The following HDAC9 variants were observed in gnomAD, a reference collection of about 807,000 sequenced individuals.
HDAC9 encodes the protein MEF-2 interacting transcription repressor (MITR) protein.
HDAC9 carries 41 observed loss-of-function variants against 139.4 expected under a neutral mutation model. That is an observed-to-expected ratio of 0.29 (90% confidence interval 0.23 to 0.38). The LOEUF (loss-of-function observed/expected upper bound fraction) is 0.38. Ranked by LOEUF, HDAC9 falls within the 10% of genes least tolerant of loss-of-function variation. HDAC9 has a pLI of 1.00. For missense variants in HDAC9, 1,147 were observed against 1,297.0 expected (o/e 0.88, Z 1.78); for synonymous variants, 517 against 476.2 (o/e 1.09, Z -1.12).
chr7:18,955,375 A>G (rs933703826), intron 24 of HDAC9, among the ~76,000 whole-genome samples: 3 of 152,110 alleles, frequency 2.0e-5, no homozygotes, highest in African/African-American at 7.2e-5. Context: ...TCTTGTAGTG[A>G]TCTTTGACAG....
intron 1 of HDAC9, among the ~76,000 whole-genome samples, chr7:18,105,879 G>C (rs532216556): frequency 4.6e-5 from 7 of 152,124 alleles, no homozygotes; most frequent in Non-Finnish European, 8.8e-5. Flanking sequence ...TTGCACAATG[G>C]CATATTACTA....
At chr7:18,826,801 C>G (rs1795476845) in intron 17 of HDAC9, among the ~76,000 whole-genome samples, 1 of 151,616 alleles carries the variant, frequency 6.6e-6, no homozygotes. Flanking sequence ...TGTTGTCATG[C>G]TTTAACTCCT....
At chr7:18,442,938 A>C (rs1329040405) in intron 1 of HDAC9, among the ~76,000 whole-genome samples, 2 of 152,212 alleles carry the variant, frequency 1.3e-5, no homozygotes, top group Non-Finnish European at 2.9e-5. Flanking sequence ...GGCTTCAACT[A>C]CAGTGGATGG....
intron 22 of HDAC9, among the ~76,000 whole-genome samples, chr7:18,897,931 G>GT (rs1194892474): frequency 1.3e-5 from 2 of 151,624 alleles, no homozygotes; most frequent in Admixed American, 6.6e-5. Context: ...TCTAGACACA[G>GT]TTTTTTACTG....
rs1239481302 is a variant in HDAC9, at chr7:18,091,931, C to CT, written c.-97+4724dup. 2.0e-5 allele frequency among the ~76,000 whole-genome samples: 3 copies of CT among 152,288 alleles called. No homozygotes were observed. The East Asian group carries it at 5.8e-4, about 29-fold the overall frequency. On this transcript the variant is annotated intron_variant, in intron 1 of 12. Transcript: ENST00000417496. ...GGTACTGTTACAACATGGCATCTTA[C>CT]TTTTTTAAAGCTAGCAAGGAAGTCT... is the stretch of plus-strand genomic sequence containing the variant.
intron 21 of HDAC9, among the ~76,000 whole-genome samples, chr7:18,856,026 C>A (rs1797649566): frequency 6.6e-6 from 1 of 152,106 alleles, no homozygotes. Context: ...ATTAGCGAGG[C>A]TGGTGTTTGC....
intron 1 of HDAC9, chr7:18,327,829 G>A (rs571871805): frequency 6.6e-6 from 1 of 151,694 alleles, no homozygotes; most frequent in East Asian, 1.9e-4. Flanking sequence ...CAATTTTTTG[G>A]TTATTTTAAT....
intron 1 of HDAC9, among the ~76,000 whole-genome samples, chr7:18,149,258 C>T (rs1479949054): frequency 2.0e-5 from 3 of 150,910 alleles, no homozygotes; most frequent in Non-Finnish European, 4.4e-5. Flanking sequence ...TGTTTTCTTA[C>T]TCGTTTATAC....
intron 16 of HDAC9, among the ~76,000 whole-genome samples, chr7:18,770,206 C>G (rs1790169649): frequency 6.6e-6 from 1 of 152,212 alleles, no homozygotes; most frequent in African/African-American, 2.4e-5. Context: ...TTTCGAGCAA[C>G]AATGTCAAGG....
At chr7:18,886,778 T>G (rs1281444939) in intron 22 of HDAC9, among the ~76,000 whole-genome samples, 1 of 152,184 alleles carries the variant, frequency 6.6e-6, no homozygotes, top group African/African-American at 2.4e-5. Flanking sequence ...ACAAAAAATA[T>G]TGCCAGGGAC....
chr7:18,725,797 A>G (rs1276368008), intron 12 of HDAC9, among the ~76,000 whole-genome samples: 2 of 152,294 alleles, frequency 1.3e-5, no homozygotes, highest in East Asian at 3.9e-4. Context: ...GACTATATTA[A>G]TCTTACTGCT....
intron 1 of HDAC9, chr7:18,395,266 T>C (rs1232991240): frequency 6.6e-6 from 1 of 152,140 alleles, no homozygotes; most frequent in Admixed American, 6.6e-5. Flanking sequence ...GGCTAATTTT[T>C]AGCAACTTCA....
intron 17 of HDAC9, among the ~76,000 whole-genome samples, chr7:18,814,814 G>C (rs6965278): frequency 0.47 from 71,357 of 152,012 alleles, 20,015 homozygotes; most frequent in African/African-American, 0.79. Context: ...AGAACATTTA[G>C]AATTAGAATA....
At chr7:18,946,264 T>C (rs1782398166) in intron 23 of HDAC9, among the ~76,000 whole-genome samples, 2 of 152,146 alleles carry the variant, frequency 1.3e-5, no homozygotes, top group East Asian at 3.9e-4. Context: ...CAAGACAGTC[T>C]TGGCTACATT....
At chr7:18,748,883 C>A in intron 13 of HDAC9, 122 bp from the exon 14 acceptor site, 1 of 934,578 alleles carries the variant, frequency 1.1e-6, no homozygotes, top group Non-Finnish European at 1.6e-6. Context: ...TGTGATATTT[C>A]CTCCTTTGTT....
chr7:18,417,113 T>C (rs1391898403), intron 1 of HDAC9, among the ~76,000 whole-genome samples: 1 of 152,128 alleles, frequency 6.6e-6, no homozygotes, highest in Non-Finnish European at 1.5e-5. Flanking sequence ...CCCACTGACT[T>C]TTTATTATCT....
At chr7:18,535,090 G>C (rs561990017) in intron 2 of HDAC9, among the ~76,000 whole-genome samples, 99 of 152,278 alleles carry the variant, frequency 6.5e-4, no homozygotes, top group African/African-American at 2.3e-3. Context: ...TCTCCTTTCA[G>C]TGGGGCTGTT....
At chr7:18,515,767 A>T (rs1802986252) in intron 2 of HDAC9, among the ~76,000 whole-genome samples, 1 of 152,234 alleles carries the variant, frequency 6.6e-6, no homozygotes. Context: ...TGGTTGACAT[A>T]TAATAATTGC....
intron 22 of HDAC9, among the ~76,000 whole-genome samples, chr7:18,903,926 G>T (rs1335175180): frequency 6.6e-6 from 1 of 152,070 alleles, no homozygotes; most frequent in Non-Finnish European, 1.5e-5. Flanking sequence ...CTCATATTCT[G>T]TTCACCTCCA....
Sources: allele counts gnomAD v4.1 joint callset (sites outside exome capture counted in the v4.1 genomes callset), GRCh38; gene constraint gnomAD v4.1.1; transcripts MANE v1.5; gene names NCBI Gene and HGNC (gene_info 2026-07-23, HGNC 2026-07-21).